The following ENOX1 variants were observed in gnomAD, a reference collection of about 807,000 sequenced individuals.
The protein encoded by ENOX1 is ecto-NOX disulfide-thiol exchanger 1.
Under a neutral mutation model 82.5 loss-of-function variants are expected in ENOX1, and 42 were observed. The ratio of observed to expected loss-of-function variants is 0.51; its 90% CI spans 0.40 to 0.66. ENOX1 has a LOEUF of 0.66. Among genes scored for constraint, ENOX1 ranks in the 30% least tolerant of loss-of-function variants. The pLI, the probability that ENOX1 is intolerant of heterozygous loss-of-function variation, is 0.00. For synonymous variants in ENOX1, 271 were observed against 282.2 expected (o/e 0.96, Z 0.40); for missense variants, 608 against 811.6 (o/e 0.75, Z 3.05).
chr13:43,739,621 AGAT>A (rs2089802297), intron 1 of ENOX1, among the ~76,000 whole-genome samples: 1 of 151,680 alleles, frequency 6.6e-6, no homozygotes, highest in Admixed American at 6.6e-5. Flanking sequence ...TGTGGGAGTT[AGAT>A]GATTCTAAGA....
intron 1 of ENOX1, among the ~76,000 whole-genome samples, chr13:43,668,894 C>A (rs908743532): frequency 3.3e-5 from 5 of 152,162 alleles, no homozygotes; most frequent in African/African-American, 4.8e-5. Flanking sequence ...CAGCAAGGAG[C>A]CAACTACCTT....
At chr13:43,320,999 A>T in intron 11 of ENOX1, 1 of 455,388 alleles carries the variant, frequency 2.2e-6, no homozygotes, top group Non-Finnish European at 4.4e-6. Context: ...GCTTAGCAGG[A>T]GACATACATC....
intron 1 of ENOX1, among the ~76,000 whole-genome samples, chr13:43,710,142 G>A (rs1043260828): frequency 6.6e-6 from 1 of 152,044 alleles, no homozygotes; most frequent in Non-Finnish European, 1.5e-5. Flanking sequence ...TAAAATAGGA[G>A]GGGAGAGGAA....
intron 12 of ENOX1, among the ~76,000 whole-genome samples, chr13:43,290,578 G>A (rs1173819955): frequency 1.3e-5 from 2 of 152,150 alleles, no homozygotes; most frequent in Non-Finnish European, 2.9e-5. Flanking sequence ...ATATGGGAGC[G>A]ACAGACACTG....
Position 43,214,019 on chromosome 13 carries a change from A to G in ENOX1, c.1903T>C (p.Cys635Arg), listed in dbSNP as rs1212005864. 4 of 1,613,870 alleles carry G rather than the reference A, an allele frequency of 2.5e-6. No homozygotes were observed. Among genetic ancestry groups the G allele is most frequent in the Non-Finnish European group, 3.4e-6 (4 of 1,179,930 alleles). Reference sequence around the variant, plus strand: ...GTAGTTTTAATTCCTTCAAAGGCACACAGCTTCCATCTTTTTTCCAGCGTG... The same window carrying G: ...GTAGTTTTAATTCCTTCAAAGGCACGCAGCTTCCATCTTTTTTCCAGCGTG... ...GATLEKRWKLCAFEGIKTT is the reference protein window; with the variant it reads ...GATLEKRWKLRAFEGIKTT The change falls in exon 17 of 17, where the codon TGT (cysteine) becomes CGT (arginine). Residue 635 changes from cysteine to arginine, a missense_variant. Coordinates refer to ENST00000690772, the MANE Select transcript of ENOX1 (RefSeq NM_001347969.2).
At chr13:43,523,304 AGTT>A (rs2077851812) in intron 2 of ENOX1, among the ~76,000 whole-genome samples, 1 of 152,168 alleles carries the variant, frequency 6.6e-6, no homozygotes, top group Admixed American at 6.6e-5. Context: ...ACAAAGCCTG[AGTT>A]GTTATTTTTT....
intron 15 of ENOX1, among the ~76,000 whole-genome samples, chr13:43,224,535 C>G (rs1022986569): frequency 3.9e-5 from 6 of 152,176 alleles, no homozygotes; most frequent in African/African-American, 1.4e-4. Context: ...ATGGCTCATA[C>G]AACTGTGTCA....
At chr13:43,610,009 G>GA (rs2153736800) in intron 2 of ENOX1, 1 of 523,390 alleles carries the variant, frequency 1.9e-6, no homozygotes, top group African/African-American at 2.1e-5. Flanking sequence ...CCCAAGTTTT[G>GA]AAATTTTGCA....
At chr13:43,731,471 A>ATC (rs1374575484) in intron 1 of ENOX1, among the ~76,000 whole-genome samples, 2 of 151,858 alleles carry the variant, frequency 1.3e-5, no homozygotes, top group African/African-American at 4.8e-5. Flanking sequence ...TTTTCACTCA[A>ATC]TCATAACTCC....
At chr13:43,374,369 C>G (rs2051471463) in intron 5 of ENOX1, among the ~76,000 whole-genome samples, 2 of 151,972 alleles carry the variant, frequency 1.3e-5, no homozygotes, top group African/African-American at 4.8e-5. Context: ...CCTCAGCCTC[C>G]CAAATAGCTG....
chr13:43,729,945 A>G (rs1177435644), intron 1 of ENOX1, among the ~76,000 whole-genome samples: 1 of 152,148 alleles, frequency 6.6e-6, no homozygotes, highest in African/African-American at 2.4e-5. Flanking sequence ...TGTGGGGGAC[A>G]TCTCCTCTGC....
Position 43,592,990 on chromosome 13 carries a change from T to G in ENOX1, c.-219+74489A>C, listed in dbSNP as rs137997085. On this transcript the variant is annotated intron_variant, in intron 2 of 16. Coordinates refer to ENST00000690772, the MANE Select transcript of ENOX1 (RefSeq NM_001347969.2). ...TGCATCCTTGAAGTTCTCAAAAATA[T>G]CAGTAACTATCACGTTAGTTATTCA... Among the ~76,000 whole-genome samples the G allele has an allele frequency of 5.2e-4, 79 of 152,350 alleles. 1 individual carries two copies. The highest frequency in any genetic ancestry group is 1.8e-3 in the African/African-American group (75 of 41,580).
chr13:43,642,229 C>A (rs946487094), intron 2 of ENOX1, among the ~76,000 whole-genome samples: 2 of 152,154 alleles, frequency 1.3e-5, no homozygotes, highest in Non-Finnish European at 2.9e-5. Context: ...ATCACACATA[C>A]ACATATGAAC....
At chr13:43,320,287 T>C (rs991468462) in intron 11 of ENOX1, among the ~76,000 whole-genome samples, 2 of 152,252 alleles carry the variant, frequency 1.3e-5, no homozygotes, top group Admixed American at 6.5e-5. Context: ...GCTCGGGGCC[T>C]GGCATTTGAA....
chr13:43,274,556 T>C (rs926071857), intron 12 of ENOX1, among the ~76,000 whole-genome samples: 7 of 152,360 alleles, frequency 4.6e-5, no homozygotes, highest in African/African-American at 1.7e-4. Flanking sequence ...AATTTTTAAG[T>C]ACTAAAGTGC....
chr13:43,376,873 C>A (rs2051673860), intron 5 of ENOX1, among the ~76,000 whole-genome samples: 1 of 152,138 alleles, frequency 6.6e-6, no homozygotes, highest in Admixed American at 6.5e-5. Flanking sequence ...CAATTGAAAT[C>A]CGGGCACTTC....
chr13:43,369,841 AT>A (rs1245081408), intron 5 of ENOX1, among the ~76,000 whole-genome samples: 2 of 152,176 alleles, frequency 1.3e-5, no homozygotes, highest in Admixed American at 1.3e-4. Flanking sequence ...CTGTTGCCAC[AT>A]TTGGAAGGTG....
chr13:43,529,243 TTG>T (rs1489938499), intron 2 of ENOX1, among the ~76,000 whole-genome samples: 1 of 151,992 alleles, frequency 6.6e-6, no homozygotes, highest in African/African-American at 2.4e-5. Flanking sequence ...CAGAGGATCC[TTG>T]CTGTAGGCAC....
At chr13:43,457,536 G>C (rs1020145861) in intron 3 of ENOX1, among the ~76,000 whole-genome samples, 4 of 151,884 alleles carry the variant, frequency 2.6e-5, no homozygotes, top group African/African-American at 9.7e-5. Flanking sequence ...GGAGGGGGAA[G>C]GAGAAAAAGG....
Sources: gnomAD v4.1 joint callset for allele counts (sites outside exome capture counted in the v4.1 genomes callset) on GRCh38, gnomAD v4.1.1 for gene constraint, MANE v1.5 for transcripts, NCBI Gene and HGNC (gene_info 2026-07-23, HGNC 2026-07-21) for gene names.